Variants in RBFOX1 observed in about 807,000 individuals in gnomAD.
The protein encoded by RBFOX1 is RNA binding fox-1 homolog 1, also known as RNA binding protein fox-1 homolog 1.
Under a neutral mutation model 57.7 loss-of-function variants are expected in RBFOX1, and 8 were observed. The observed-to-expected ratio is 0.14, with a 90% CI of 0.08 to 0.25. The LOEUF (loss-of-function observed/expected upper bound fraction) is 0.25, where lower values mean the gene tolerates loss of function less well. Among genes scored for constraint, RBFOX1 ranks in the 10% least tolerant of loss-of-function variants. RBFOX1 has a pLI of 1.00. For synonymous variants in RBFOX1, 326 were observed against 222.4 expected, an observed-to-expected ratio of 1.47 and a Z score of -4.15; for missense variants, 611 against 548.5, an observed-to-expected ratio of 1.11 and a Z score of -1.14.
chr16:5,581,120 G>T (rs2046650359), intron 2 of RBFOX1, among the ~76,000 whole-genome samples: 1 of 152,172 alleles, frequency 6.6e-6, no homozygotes, highest in Admixed American at 6.5e-5. Context: ...GCACTTGACA[G>T]ATCCAGAGGA....
Position 5,946,999 on chromosome 16 carries a change from G to A in RBFOX1, c.351+79664G>A, listed in dbSNP as rs1030758241. Among the ~76,000 whole-genome samples, 4 of 152,266 alleles carry A rather than the reference G, an allele frequency of 2.6e-5. No homozygotes were observed. Among genetic ancestry groups the A allele is most frequent in the East Asian group, 3.9e-4 (2 of 5,176 alleles). ...GGCAGAAGTAGGAGGATTGCTTGAGGCCAGGAGTTTGAGACCAGCTCTAGC... is the reference window on the plus strand; with the variant it reads ...GGCAGAAGTAGGAGGATTGCTTGAGACCAGGAGTTTGAGACCAGCTCTAGC... On this transcript the variant is annotated intron_variant, in intron 4 of 19. Transcript: ENST00000641259. The surrounding 1 kb of genome is among the most constrained non-coding windows in gnomAD (Gnocchi z 4.6).
At chr16:6,053,292 G>A (rs1338419009) in intron 1 of RBFOX1, among the ~76,000 whole-genome samples, 3 of 152,192 alleles carry the variant, frequency 2.0e-5, no homozygotes, top group Non-Finnish European at 2.9e-5. Flanking sequence ...GGGTGTCCCA[G>A]AGCAGGAATT....
chr16:5,925,894 G>C lies in RBFOX1; in HGVS notation c.351+58559G>C, dbSNP rs558555157. On this transcript the variant is annotated intron_variant, in intron 4 of 19. Transcript: ENST00000641259. ...GGGCAGTGTTTCACTACCACAAATC[G>C]AACTTCTAAACCTGATGGGCCAAGC... 2.6e-5 allele frequency among the ~76,000 whole-genome samples: 4 copies of C among 152,128 alleles called. No homozygotes were observed. The East Asian group carries it at 7.7e-4, about 29-fold the overall frequency.
At chr16:7,409,936 G>C (rs1257490819) in intron 4 of RBFOX1, among the ~76,000 whole-genome samples, 1 of 152,154 alleles carries the variant, frequency 6.6e-6, no homozygotes, top group Non-Finnish European at 1.5e-5. Flanking sequence ...AGGAGGCTGT[G>C]CCTGTGGTCT....
At chr16:7,318,825 G>T (rs551956793) in intron 4 of RBFOX1, among the ~76,000 whole-genome samples, 2 of 152,108 alleles carry the variant, frequency 1.3e-5, no homozygotes, top group Non-Finnish European at 2.9e-5. Context: ...ACAGGTGTGT[G>T]GTGAGCCGAA....
intron 3 of RBFOX1, among the ~76,000 whole-genome samples, chr16:6,851,926 G>GTTT (rs71147610): frequency 6.3e-5 from 9 of 143,592 alleles, no homozygotes; most frequent in Non-Finnish European, 4.5e-5. Flanking sequence ...TTTCCATTGG[G>GTTT]TTTTTTTTTT....
At chr16:7,698,175 T>C in intron 14 of RBFOX1, among the ~76,000 whole-genome samples, 1 of 109,984 alleles carries the variant, frequency 9.1e-6, no homozygotes. Context: ...AGACACAGAG[T>C]CCAAGAGGGT....
chr16:5,645,275 C>CAA (rs34233346), intron 3 of RBFOX1, among the ~76,000 whole-genome samples: 2,023 of 148,218 alleles, frequency 0.014, 39 homozygotes, highest in African/African-American at 0.047. Flanking sequence ...GAAACAAAAA[C>CAA]AAAAAAAAAA....
intron 4 of RBFOX1, among the ~76,000 whole-genome samples, chr16:7,410,162 A>G (rs992645120): frequency 1.3e-5 from 2 of 150,366 alleles, no homozygotes; most frequent in African/African-American, 4.9e-5. Context: ...CTACAGCGCA[A>G]CTTAATAATT....
chr16:7,519,573 T>C (rs1455411941), intron 5 of RBFOX1: 5 of 299,984 alleles, frequency 1.7e-5, no homozygotes, highest in Non-Finnish European at 2.5e-5. Context: ...TAAAATTAAA[T>C]AATGTTCATT....
At chr16:6,237,626 C>G (rs569308836) in intron 1 of RBFOX1, among the ~76,000 whole-genome samples, 1 of 152,090 alleles carries the variant, frequency 6.6e-6, no homozygotes, top group East Asian at 1.9e-4. Context: ...CCTGTAATCC[C>G]AGCTACTTGG....
chr16:7,394,194 C>G (rs1314559070), intron 4 of RBFOX1, among the ~76,000 whole-genome samples: 5 of 120,926 alleles, frequency 4.1e-5, no homozygotes, highest in African/African-American at 1.3e-4. Context: ...CAAGATCGTG[C>G]TACTGCACTC....
At chr16:7,049,539 A>G (rs1388038051) in intron 3 of RBFOX1, among the ~76,000 whole-genome samples, 1 of 152,164 alleles carries the variant, frequency 6.6e-6, no homozygotes, top group Admixed American at 6.5e-5. Context: ...TTTCAAGACA[A>G]AACCAGAGTG....
Position 5,497,638 on chromosome 16 carries a change from A to AAAAAAAAAAAAAAAAAAAAAAAAT in RBFOX1, c.258+30384_258+30385insAAAAAAAAAAAAAAAAAAAAAAAT, listed in dbSNP as rs71142625. Among the ~76,000 whole-genome samples the AAAAAAAAAAAAAAAAAAAAAAAAT allele has an allele frequency of 1.0e-4, 14 of 139,440 alleles. No individual in the cohort carries two copies. In the South Asian group the frequency reaches 1.3e-3, roughly 13 times the overall value. The allele number at this position is 139,440 out of a possible 152,430, so 91.5% of individuals were successfully genotyped here. A position where few individuals can be genotyped will look rare whatever the true frequency, so the allele number is the denominator to read the frequency against. Reference sequence around the variant, plus strand: ...CTAAAAATACAAAAAAAAAAAAAAAAGCTGGGCATGGTGGCACACACTCCC... The same window carrying AAAAAAAAAAAAAAAAAAAAAAAAT: ...CTAAAAATACAAAAAAAAAAAAAAAAAAAAAAAAAAAAAAAAAAAAAAATGCTGGGCATGGTGGCACACACTCCC... On this transcript the variant is annotated intron_variant, in intron 2 of 2. Transcript: ENST00000585867.
intron 2 of RBFOX1, among the ~76,000 whole-genome samples, chr16:5,559,184 A>AG (rs1380655687): frequency 6.6e-6 from 1 of 151,560 alleles, no homozygotes. Flanking sequence ...AAAAAAAAAA[A>AG]AAAAAAGTCA....
chr16:6,985,940 C>T (rs919377981), intron 3 of RBFOX1, among the ~76,000 whole-genome samples: 7 of 150,474 alleles, frequency 4.7e-5, no homozygotes, highest in Non-Finnish European at 7.4e-5. Context: ...TGTAAATCTC[C>T]ATGGAGTGAT....
intron 1 of RBFOX1, among the ~76,000 whole-genome samples, chr16:5,296,683 CT>C (rs908247757): frequency 8.5e-4 from 121 of 143,042 alleles, no homozygotes; most frequent in Non-Finnish European, 9.2e-4. Context: ...CTGAGCTAAA[CT>C]TTTTTTTTTT....
chr16:6,600,570 C>T (rs1317837088), intron 2 of RBFOX1, among the ~76,000 whole-genome samples: 1 of 152,146 alleles, frequency 6.6e-6, no homozygotes, highest in Non-Finnish European at 1.5e-5. Flanking sequence ...TAATTTACTA[C>T]AAAAGACCGT....
intron 4 of RBFOX1, among the ~76,000 whole-genome samples, chr16:7,480,628 A>G (rs2063707405): frequency 6.6e-6 from 1 of 152,170 alleles, no homozygotes; most frequent in Admixed American, 6.5e-5. Flanking sequence ...CTCTTGCCTG[A>G]AGGCCTTGGT....
Sources: gnomAD v4.1 joint callset for allele counts (sites outside exome capture counted in the v4.1 genomes callset) on GRCh38, gnomAD v4.1.1 for gene constraint, Gnocchi (gnomAD v3.1) non-coding constraint, MANE v1.5 for transcripts, NCBI Gene and HGNC (gene_info 2026-07-23, HGNC 2026-07-21) for gene names.